Variants in RYR2 observed in about 807,000 individuals in gnomAD.
The protein encoded by RYR2 is ryanodine receptor 2, also known as cardiac muscle ryanodine receptor-calcium release channel.
A neutral mutation model predicts 601.1 loss-of-function variants in RYR2; 227 were observed. The ratio of observed to expected loss-of-function variants is 0.38; its 90% CI spans 0.34 to 0.42. The LOEUF (loss-of-function observed/expected upper bound fraction) is 0.42. RYR2 is among the 10% of genes least tolerant of loss of function. The probability of loss-of-function intolerance (pLI) is 1.00; values close to 1 mark genes in which losing one functional copy is unlikely to be tolerated. For missense variants in RYR2, 4,646 were observed against 6,156.5 expected (o/e 0.75, Z 8.21); for synonymous variants, 2,223 against 2,175.1 (o/e 1.02, Z -0.61).
chr1:237,614,167 T>C lies in RYR2; in HGVS notation c.5039T>C (p.Val1680Ala), dbSNP rs1331430511. 1.2e-6 allele frequency: 2 copies of C among 1,614,060 alleles called. No individual in the cohort carries two copies. Among genetic ancestry groups the C allele is most frequent in the Admixed American group, 3.3e-5 (2 of 60,026 alleles). Residue 1680 changes from valine (V) to alanine (A), a missense_variant, in exon 37 of 105, where the codon GTG becomes GCG. Around this residue, in one of 17 missense-constraint regions of RYR2, gnomAD observed 1,807 missense variants for 2,088.1 expected, o/e 0.87. Coordinates refer to ENST00000366574, the MANE Select transcript of RYR2 (RefSeq NM_001035.3). This position sits in a 1 kb window ranked among gnomAD's most constrained non-coding sequence, Gnocchi z 4.3. The part of the protein sequence containing the change: ...HRVAHALCSH[V>A]DEPQLLYAIE... The stretch of plus-strand genomic sequence containing the variant: ...GTGGCCCATGCCCTGTGCAGCCATG[T>C]GGATGAACCTCAGCTCCTCTATGCC...
chr1:237,116,287 G>T (rs895044304), intron 1 of RYR2, among the ~76,000 whole-genome samples: 8 of 152,162 alleles, frequency 5.3e-5, no homozygotes, highest in Non-Finnish European at 1.2e-4. Context: ...ACAGCTGGGA[G>T]ATTTGTTCCT....
chr1:237,500,925 G>T, intron 21 of RYR2, 22 bp downstream of exon 21: 1 of 1,608,426 alleles, frequency 6.2e-7, no homozygotes, highest in Non-Finnish European at 8.5e-7. Context: ...TATGTTTTTT[G>T]GTCTCTTTCC....
At chr1:237,749,011 A>G (rs2819767) in intron 80 of RYR2, among the ~76,000 whole-genome samples, 79,866 of 152,026 alleles carry the variant, frequency 0.53, 22,544 homozygotes, top group East Asian at 0.82. Flanking sequence ...AAACACTATA[A>G]CATTTTATAT....
chr1:237,791,883 C>A, intron 93 of RYR2: 1 of 580,764 alleles, frequency 1.7e-6, no homozygotes, highest in Non-Finnish European at 3.1e-6. Flanking sequence ...CATTGGAATC[C>A]TCAGAATTTT....
chr1:237,813,217 T>C (rs975478704), intron 100 of RYR2, among the ~76,000 whole-genome samples: 1 of 152,122 alleles, frequency 6.6e-6, no homozygotes, highest in Non-Finnish European at 1.5e-5. Flanking sequence ...AGCAGGTACA[T>C]TGCCTGCAGT....
intron 1 of RYR2, among the ~76,000 whole-genome samples, chr1:237,138,043 A>ATTTTAT (rs1390184463): frequency 4.0e-5 from 6 of 151,450 alleles, no homozygotes; most frequent in African/African-American, 1.5e-4. Context: ...ATTTTATTTT[A>ATTTTAT]TTTTTTGGGA....
intron 47 of RYR2, among the ~76,000 whole-genome samples, chr1:237,643,101 A>C (rs761862492): frequency 6.6e-6 from 1 of 152,232 alleles, no homozygotes; most frequent in Non-Finnish European, 1.5e-5. Context: ...ACTGGCCTAG[A>C]CCATAGTATA....
chr1:237,233,733 C>A (rs1044516880), intron 1 of RYR2, among the ~76,000 whole-genome samples: 1 of 152,134 alleles, frequency 6.6e-6, no homozygotes, highest in African/African-American at 2.4e-5. Flanking sequence ...CAGCTCACTG[C>A]AATCTCTTCC....
rs12040571 is a variant in RYR2, at chr1:237,706,404, C to T, written c.9581-545C>T. ...GTCCTGGGTATGAAATGCCACTGAA[C>T]GGTTGGAAAGATGAGTTGTAAAAGT... On this transcript the variant is annotated intron_variant, in intron 67 of 104. Transcript: ENST00000366574. 3.3e-5 allele frequency among the ~76,000 whole-genome samples: 5 copies of T among 151,922 alleles called. No individual in the cohort carries two copies. The highest frequency in any genetic ancestry group is 1.2e-4 in the African/African-American group (5 of 41,314).
chr1:237,048,619 A>T (rs1276438216), intron 1 of RYR2, among the ~76,000 whole-genome samples: 1 of 152,126 alleles, frequency 6.6e-6, no homozygotes, highest in Non-Finnish European at 1.5e-5. Flanking sequence ...GTTTTCTTGG[A>T]TCACTCTAAC....
intron 100 of RYR2, among the ~76,000 whole-genome samples, chr1:237,816,670 C>T (rs550692694): frequency 1.5e-4 from 21 of 144,768 alleles, no homozygotes; most frequent in South Asian, 4.6e-4. Context: ...GCCTGGGAGA[C>T]GGAGCGAGAC....
chr1:237,105,834 CAAA>C lies in RYR2; in HGVS notation c.48+63287_48+63289del, dbSNP rs34759459. On this transcript the variant is annotated intron_variant, in intron 1 of 104. Transcript: ENST00000366574. ...TGGGCGACAAAGCGAGACTCTGTCT[CAAA>C]AAAAAAAAAAAAAAAAAAAAATCCA... 4.7e-3 allele frequency among the ~76,000 whole-genome samples: 407 copies of C among 87,010 alleles called. 2 individuals carry two copies. The highest frequency in any genetic ancestry group is 0.013 in the African/African-American group (307 of 23,314). The allele number at this position is 87,010 out of a possible 152,430, so 57.1% of individuals were successfully genotyped here.
At position 237,627,913 on chromosome 1, in the gene RYR2, G is replaced by C; in HGVS notation, c.6273G>C (p.Gln2091His). 6.2e-7 allele frequency: 1 copy of C among 1,613,914 alleles called. No individual in the cohort carries two copies. Among genetic ancestry groups the C allele is most frequent in the South Asian group, 1.1e-5 (1 of 91,080 alleles). The change falls in exon 41 of 105, where the codon CAG becomes CAC. Residue 2091 changes from glutamine (Q) to histidine (H), a missense_variant. By Grantham distance (24) the Gln-to-His change is conservative. Around this residue, in one of 17 missense-constraint regions of RYR2, gnomAD observed 170 missense variants for 184.5 expected, o/e 0.92. Transcript: ENST00000366574. ...CCATGTTTGTGTTGCTCCATCGGCA[G>C]TATGACGGCATTGGGGGTCTTGTTC... is the stretch of plus-strand genomic sequence containing the variant. ...VRAMFVLLHR[Q>H]YDGIGGLVRA...
At chr1:237,506,354 G>T (rs1016538975) in intron 22 of RYR2, among the ~76,000 whole-genome samples, 1 of 152,110 alleles carries the variant, frequency 6.6e-6, no homozygotes, top group Admixed American at 6.5e-5. Context: ...TGGCTAACAC[G>T]GTGAAACCCC....
intron 12 of RYR2, among the ~76,000 whole-genome samples, chr1:237,425,036 A>G (rs1033350937): frequency 6.6e-6 from 1 of 152,204 alleles, no homozygotes; most frequent in Non-Finnish European, 1.5e-5. Flanking sequence ...TAACAAGAAA[A>G]CATATTCATT....
chr1:237,107,487 T>G (rs1395484245), intron 1 of RYR2, among the ~76,000 whole-genome samples: 1 of 107,716 alleles, frequency 9.3e-6, no homozygotes, highest in East Asian at 3.1e-4. Flanking sequence ...ACCACTGCAC[T>G]CCAGCCTGGG....
chr1:237,294,114 G>A (rs189943192), intron 2 of RYR2, among the ~76,000 whole-genome samples: 35 of 152,154 alleles, frequency 2.3e-4, no homozygotes, highest in African/African-American at 7.7e-4. Flanking sequence ...CAGGAACTAG[G>A]GTCAAAGACC....
At position 237,781,510 on chromosome 1, in the gene RYR2, G is replaced by A. The variant is rs144529900; in HGVS notation, c.11881-55G>A. 753 of 853,132 alleles carry A rather than the reference G, an allele frequency of 8.8e-4. 4 individuals are homozygous for A. The African/African-American group carries it at 0.012, about 14-fold the overall frequency. 52.8% of individuals were successfully genotyped at this position (853,132 alleles called of 1,614,324 possible). A position where few individuals can be genotyped will look rare whatever the true frequency, so the allele number is the denominator to read the frequency against. ...TCCTTTTTGTGAGAATAAGTATGATGTTCCTGCTGCATAGTTTTCTTGTAT... is the reference window on the plus strand; with the variant it reads ...TCCTTTTTGTGAGAATAAGTATGATATTCCTGCTGCATAGTTTTCTTGTAT... On this transcript the variant is annotated intron_variant, in intron 88 of 104. Transcript: ENST00000366574.
chr1:237,831,889 A>C (rs533164060), intron 104 of RYR2, among the ~76,000 whole-genome samples: 1 of 152,110 alleles, frequency 6.6e-6, no homozygotes, highest in Non-Finnish European at 1.5e-5. Flanking sequence ...ATGATTTCCA[A>C]TGAACTTCAA....
Sources: gnomAD v4.1 joint callset for allele counts (sites outside exome capture counted in the v4.1 genomes callset) on GRCh38, gnomAD v4.1.1 for gene constraint, gnomAD v4.1.1 regional missense constraint, Gnocchi (gnomAD v3.1) non-coding constraint, MANE v1.5 for transcripts, NCBI Gene and HGNC (gene_info 2026-07-23, HGNC 2026-07-21) for gene names.